Variants in CHD9 observed in about 807,000 individuals in gnomAD.
The protein encoded by CHD9 is chromodomain helicase DNA binding protein 9.
A neutral mutation model predicts 316.1 loss-of-function variants in CHD9; 77 were observed. The observed-to-expected ratio is 0.24, with a 90% CI of 0.20 to 0.29. The LOEUF is 0.29. Ranked by LOEUF, CHD9 falls within the 10% of genes least tolerant of loss-of-function variation. The pLI is 1.00. For missense variants in CHD9, 2,763 were observed against 3,438.1 expected (o/e 0.80, Z 4.91); for synonymous variants, 1,129 against 1,158.3 (o/e 0.97, Z 0.51).
At position 53,128,540 on chromosome 16, in the gene CHD9, C is replaced by T. The variant is rs180867927; in HGVS notation, c.-164-27386C>T. On this transcript the variant is annotated intron_variant, in intron 1 of 38. Coordinates refer to ENST00000447540, the MANE Select transcript of CHD9 (RefSeq NM_001308319.2). ...TGAGGGACCTAGAGAGTGTGGCCAC[C>T]GCTTGGCTTTAGACAGCCCATTGCC... Among the ~76,000 whole-genome samples, 693 of 152,210 alleles carry T rather than the reference C, an allele frequency of 4.6e-3. 21 individuals are homozygous for T. The highest frequency in any genetic ancestry group is 0.039 in the Admixed American group (601 of 15,282).
chr16:53,223,669 A>C (rs1473306418), intron 4 of CHD9, among the ~76,000 whole-genome samples: 3 of 152,198 alleles, frequency 2.0e-5, no homozygotes, highest in Admixed American at 2.0e-4. Flanking sequence ...TGTAATTTTC[A>C]AACAATGACA....
At position 53,134,309 on chromosome 16, in the gene CHD9, A is replaced by G. The variant is rs1322102076; in HGVS notation, c.-164-21617A>G. ...GAGATAGAGTTATTTTAACCTTTCA[A>G]ATTCTTTGAAGTTGTCTTAACGTGG... is the stretch of plus-strand genomic sequence containing the variant. On this transcript the variant is annotated intron_variant, in intron 1 of 38. Coordinates refer to ENST00000447540, the MANE Select transcript of CHD9 (RefSeq NM_001308319.2). Among the ~76,000 whole-genome samples, 3 of 152,226 alleles carry G rather than the reference A, an allele frequency of 2.0e-5. 1 individual carries two copies. Among genetic ancestry groups the G allele is most frequent in the South Asian group, 4.1e-4 (2 of 4,838 alleles).
chr16:53,318,725 G>A (rs997467311), intron 37 of CHD9, among the ~76,000 whole-genome samples: 1 of 152,148 alleles, frequency 6.6e-6, no homozygotes, highest in Non-Finnish European at 1.5e-5. Flanking sequence ...TATCTAGTGG[G>A]TAGAAGCCAG....
chr16:53,217,447 T>G (rs977302730), intron 3 of CHD9, among the ~76,000 whole-genome samples: 1 of 152,154 alleles, frequency 6.6e-6, no homozygotes, highest in Non-Finnish European at 1.5e-5. Flanking sequence ...AGAGATGGGG[T>G]TTCGCCATGT....
At chr16:53,076,830 A>T (rs972132876) in intron 1 of CHD9, among the ~76,000 whole-genome samples, 16 of 79,496 alleles carry the variant, frequency 2.0e-4, no homozygotes, top group African/African-American at 7.8e-4. Context: ...AATTTAAAAA[A>T]TGTATTTATT....
intron 2 of CHD9, among the ~76,000 whole-genome samples, chr16:53,174,512 A>C (rs2042975443): frequency 6.6e-6 from 1 of 151,986 alleles, no homozygotes; most frequent in African/African-American, 2.4e-5. Flanking sequence ...TTGCTCTGTT[A>C]CCTACTTTGT....
chr16:53,317,354 T>C (rs1425893222), intron 36 of CHD9, among the ~76,000 whole-genome samples: 1 of 152,182 alleles, frequency 6.6e-6, no homozygotes, highest in African/African-American at 2.4e-5. Context: ...GTTTGAGTGT[T>C]GATTTCCTGA....
intron 1 of CHD9, among the ~76,000 whole-genome samples, chr16:53,066,799 T>C (rs951916012): frequency 3.9e-5 from 6 of 152,188 alleles, no homozygotes; most frequent in African/African-American, 1.2e-4. Context: ...TCAATGCATG[T>C]TAGCGGGCCA....
Position 53,156,441 on chromosome 16 carries a change from G to T in CHD9, c.352G>T (p.Val118Leu). ...QNQPNGLFPD[V>L]SDGSPMWGHQ... ...CCAACCCAATGGTTTGTTTCCAGATGTATCAGATGGCAGTCCAATGTGGGG... is the reference window on the plus strand; with the variant it reads ...CCAACCCAATGGTTTGTTTCCAGATTTATCAGATGGCAGTCCAATGTGGGG... Residue 118 changes from valine (V) to leucine (L), a missense_variant, in exon 2 of 39, where the codon GTA (valine) becomes TTA (leucine). This residue lies in a region of CHD9 where 859 missense variants were observed against 890.4 expected (regional missense o/e 0.96). Transcript: ENST00000447540. 6.2e-7 allele frequency: 1 copy of T among 1,613,962 alleles called. No homozygotes were observed.
At chr16:53,224,039 T>G (rs901914080) in intron 4 of CHD9, among the ~76,000 whole-genome samples, 1 of 152,162 alleles carries the variant, frequency 6.6e-6, no homozygotes, top group Admixed American at 6.5e-5. Flanking sequence ...CAGAGTATAC[T>G]ATTAGGAATA....
At chr16:53,136,612 T>A (rs2039729750) in intron 1 of CHD9, among the ~76,000 whole-genome samples, 1 of 152,168 alleles carries the variant, frequency 6.6e-6, no homozygotes. Context: ...TAGTCTGTTT[T>A]ACAGTTGAAG....
At chr16:53,268,236 T>G in intron 22 of CHD9, 110 bp downstream of exon 22, 1 of 775,150 alleles carries the variant, frequency 1.3e-6, no homozygotes, top group Non-Finnish European at 2.0e-6. Context: ...TTAAGGAACC[T>G]TAACCTTCAC....
intron 2 of CHD9, among the ~76,000 whole-genome samples, chr16:53,204,895 G>GT (rs2045778637): frequency 6.6e-6 from 1 of 151,642 alleles, no homozygotes; most frequent in South Asian, 2.1e-4. Context: ...CCAGGCTAGA[G>GT]TACGGTGGCA....
chr16:53,168,143 C>T (rs958579606), intron 2 of CHD9, among the ~76,000 whole-genome samples: 1 of 151,978 alleles, frequency 6.6e-6, no homozygotes, highest in East Asian at 1.9e-4. Flanking sequence ...CTCATTGCAA[C>T]CTCCGCCTCC....
At chr16:53,127,093 TAC>T (rs888271170) in intron 1 of CHD9, among the ~76,000 whole-genome samples, 3 of 152,188 alleles carry the variant, frequency 2.0e-5, no homozygotes, top group African/African-American at 7.2e-5. Flanking sequence ...TAGCTGGGAC[TAC>T]AGGAACATGC....
intron 24 of CHD9, 128 bp from the exon 25 acceptor site, chr16:53,285,468 G>T (rs1277684129): frequency 3.0e-6 from 1 of 332,734 alleles, no homozygotes. Flanking sequence ...AATTATGAAG[G>T]ATTAAAAAAT....
chr16:53,131,585 G>A (rs1357463828), intron 1 of CHD9, among the ~76,000 whole-genome samples: 1 of 151,708 alleles, frequency 6.6e-6, no homozygotes, highest in African/African-American at 2.4e-5. Context: ...GTTGCGTCGT[G>A]TGGAGGTGAG....
At chr16:53,309,542 A>G (rs1354819366) in intron 34 of CHD9, among the ~76,000 whole-genome samples, 1 of 152,222 alleles carries the variant, frequency 6.6e-6, no homozygotes, top group African/African-American at 2.4e-5. Context: ...TTGAATCAAC[A>G]CATATTTATT....
intron 2 of CHD9, among the ~76,000 whole-genome samples, chr16:53,161,642 G>A (rs1249016740): frequency 2.0e-5 from 3 of 152,168 alleles, no homozygotes; most frequent in Non-Finnish European, 4.4e-5. Context: ...GCCAAAACAA[G>A]ACATTCTTTA....
Sources: gnomAD v4.1 joint callset for allele counts (sites outside exome capture counted in the v4.1 genomes callset) on GRCh38, gnomAD v4.1.1 for gene constraint, gnomAD v4.1.1 regional missense constraint, MANE v1.5 for transcripts, NCBI Gene and HGNC (gene_info 2026-07-23, HGNC 2026-07-21) for gene names.